The following CUX1 variants were observed in gnomAD, a reference collection of about 807,000 sequenced individuals.
CUX1 encodes protein CASP.
In CUX1, 31 loss-of-function variants were observed where a neutral mutation model predicts 158.8. The observed-to-expected ratio is 0.20, with a 90% CI of 0.15 to 0.26. The LOEUF (loss-of-function observed/expected upper bound fraction) is 0.26. CUX1 is among the 10% of genes least tolerant of loss of function. The pLI is 1.00. For synonymous variants in CUX1, 879 were observed against 862.1 expected (o/e 1.02, Z -0.34); for missense variants, 1,589 against 2,014.6 (o/e 0.79, Z 4.04).
chr7:102,283,631 C>G (rs1194167124), exon 23 of CUX1: 2 of 154,670 alleles, frequency 1.3e-5, no homozygotes, highest in Admixed American at 1.3e-4. Flanking sequence ...GCCCCCTCCC[C>G]CACTGCACCC....
At chr7:102,239,963 T>C (rs1800012188) in intron 23 of CUX1, among the ~76,000 whole-genome samples, 1 of 152,012 alleles carries the variant, frequency 6.6e-6, no homozygotes, top group Non-Finnish European at 1.5e-5. Context: ...GTCAGGCTTG[T>C]CTCAAACATC....
chr7:101,912,817 A>G (rs1461792634), intron 1 of CUX1, among the ~76,000 whole-genome samples: 1 of 152,182 alleles, frequency 6.6e-6, no homozygotes, highest in Non-Finnish European at 1.5e-5. Context: ...ATTGCTGGGC[A>G]TGGAGGAGGT....
intron 2 of CUX1, among the ~76,000 whole-genome samples, chr7:101,919,136 T>C (rs1804581034): frequency 6.6e-6 from 1 of 152,164 alleles, no homozygotes; most frequent in Non-Finnish European, 1.5e-5. Context: ...AGTCGGGGGC[T>C]GTGGCCGGAG....
chr7:101,986,102 T>C (rs1403010083), intron 2 of CUX1, among the ~76,000 whole-genome samples: 3 of 152,218 alleles, frequency 2.0e-5, no homozygotes, highest in African/African-American at 7.2e-5. Context: ...TTAACACCAC[T>C]GTAAAGAGCC....
chr7:102,080,936 A>T (rs1471175929), intron 4 of CUX1, among the ~76,000 whole-genome samples: 10 of 152,178 alleles, frequency 6.6e-5, no homozygotes, highest in African/African-American at 2.2e-4. Flanking sequence ...CGCACGCCAG[A>T]TATGCTGTTT....
chr7:102,036,597 C>T (rs1332648605), intron 3 of CUX1, among the ~76,000 whole-genome samples: 3 of 151,946 alleles, frequency 2.0e-5, no homozygotes, highest in Non-Finnish European at 4.4e-5. Flanking sequence ...CAAAAATCAG[C>T]CTGGTGTGGT....
At chr7:101,847,077 G>T (rs183698225) in intron 1 of CUX1, among the ~76,000 whole-genome samples, 1 of 152,140 alleles carries the variant, frequency 6.6e-6, no homozygotes, top group Non-Finnish European at 1.5e-5. Flanking sequence ...CCAGGAGTTC[G>T]CGGCTGCAGC....
At chr7:101,928,828 G>A (rs1389038652) in intron 2 of CUX1, among the ~76,000 whole-genome samples, 5 of 150,960 alleles carry the variant, frequency 3.3e-5, no homozygotes, top group East Asian at 2.0e-4. Flanking sequence ...CCGCCACTAC[G>A]CCCGGCTAAT....
chr7:102,250,134 G>C lies in CUX1; in HGVS notation c.*1092G>C. 1 of 985,364 alleles carries C rather than the reference G, an allele frequency of 1.0e-6. No individual in the cohort carries two copies. The allele number at this position is 985,364 out of a possible 1,614,324, so 61.0% of individuals were successfully genotyped here. On this transcript the variant is annotated 3_prime_UTR_variant, in exon 24 of 24. Transcript: ENST00000292535. ...TTTTTAACCTCTAACCGCAGAGCAC[G>C]CTGATCAGACCTCATATCTTGGAGG...
chr7:102,278,078 C>G, intron 18 of CUX1: 1 of 1,575,010 alleles, frequency 6.3e-7, no homozygotes, highest in Non-Finnish European at 8.7e-7. Context: ...GAGGGCCCTC[C>G]CCTGGCCTCA....
At chr7:101,934,928 G>GC (rs1204816977) in intron 2 of CUX1, among the ~76,000 whole-genome samples, 3 of 152,022 alleles carry the variant, frequency 2.0e-5, no homozygotes, top group African/African-American at 7.3e-5. Context: ...AAACAGCATT[G>GC]CCCGGGGTGA....
At chr7:101,985,413 G>A (rs1480157315) in intron 2 of CUX1, among the ~76,000 whole-genome samples, 1 of 152,186 alleles carries the variant, frequency 6.6e-6, no homozygotes, top group African/African-American at 2.4e-5. Context: ...GGGCCAAGAG[G>A]AGCGTTCTGT....
chr7:102,250,097 T>G lies in CUX1; in HGVS notation c.*1055T>G. The stretch of plus-strand genomic sequence containing the variant: ...AAAGAAAAGATCCGAATCTAGGTAT[T>G]TTATAATCTGCTTTTTAACCTCTAA... On this transcript the variant is annotated 3_prime_UTR_variant, in exon 24 of 24. Transcript: ENST00000292535. 2 of 984,938 alleles carry G rather than the reference T, an allele frequency of 2.0e-6. No individual in the cohort carries two copies. The highest frequency in any genetic ancestry group is 2.4e-6 in the Non-Finnish European group (2 of 829,762). The allele number at this position is 984,938 out of a possible 1,614,324, so 61.0% of individuals were successfully genotyped here.
intron 2 of CUX1, among the ~76,000 whole-genome samples, chr7:101,948,082 C>T (rs577643279): frequency 6.6e-6 from 1 of 152,340 alleles, no homozygotes; most frequent in South Asian, 2.1e-4. Context: ...AATTAACTCA[C>T]AGGACGCCAG....
chr7:102,126,026 A>G (rs905326873), intron 8 of CUX1, among the ~76,000 whole-genome samples: 1 of 150,602 alleles, frequency 6.6e-6, no homozygotes, highest in Non-Finnish European at 1.5e-5. Flanking sequence ...ATTTTATTTT[A>G]TTTTTGAGAT....
chr7:102,099,782 G>A (rs1829595348), intron 5 of CUX1, among the ~76,000 whole-genome samples: 1 of 151,980 alleles, frequency 6.6e-6, no homozygotes. Context: ...TTGGAGGGTG[G>A]TGCAGGTGGG....
In CUX1 at chr7:101,867,591, G is replaced by C. The variant is rs1798063745; in HGVS notation, c.31-48524G>C. Among the ~76,000 whole-genome samples the C allele has an allele frequency of 3.3e-5, 5 of 152,322 alleles. No individual in the cohort carries two copies. The South Asian group carries it at 1.0e-3, about 32-fold the overall frequency. On this transcript the variant is annotated intron_variant, in intron 1 of 23. Coordinates refer to ENST00000292535, the MANE Select transcript of CUX1 (RefSeq NM_181552.4). The stretch of plus-strand genomic sequence containing the variant: ...TAATAAACAGTCTGCCTGGGAAACT[G>C]AGCATCCAAAGTGCCCTCTGAAGGA...
intron 1 of CUX1, among the ~76,000 whole-genome samples, chr7:101,829,362 C>G (rs1276519658): frequency 6.6e-6 from 1 of 152,096 alleles, no homozygotes; most frequent in Admixed American, 6.6e-5. Flanking sequence ...TTTTTGTGCA[C>G]TAACAGTAAT....
At chr7:102,062,980 C>G (rs949697551) in intron 3 of CUX1, among the ~76,000 whole-genome samples, 1 of 152,154 alleles carries the variant, frequency 6.6e-6, no homozygotes, top group African/African-American at 2.4e-5. Flanking sequence ...TGGCAGGCAC[C>G]TGTAATCCCA....
Sources: allele counts gnomAD v4.1 joint callset (sites outside exome capture counted in the v4.1 genomes callset), GRCh38; gene constraint gnomAD v4.1.1; transcripts MANE v1.5; gene names NCBI Gene and HGNC (gene_info 2026-07-23, HGNC 2026-07-21).